Variants in RYR1 observed in about 807,000 individuals in gnomAD.
RYR1 encodes central core disease of muscle.
In RYR1, 342 loss-of-function variants were observed where a neutral mutation model predicts 583.5. The ratio of observed to expected loss-of-function variants is 0.59; its 90% confidence interval spans 0.54 to 0.64. The LOEUF (loss-of-function observed/expected upper bound fraction) is 0.64. Among genes scored for constraint, RYR1 ranks in the 30% least tolerant of loss-of-function variants. RYR1 has a pLI of 0.00. For synonymous variants in RYR1, 2,791 were observed against 2,822.5 expected (o/e 0.99, Z 0.35); for missense variants, 6,032 against 6,917.2 (o/e 0.87, Z 4.54).
chr19:38,532,403 A>G (rs1971776611), intron 76 of RYR1, 87 bp from the exon 77 acceptor site: 3 of 1,362,306 alleles, frequency 2.2e-6, no homozygotes, highest in Non-Finnish European at 3.1e-6. Context: ...GATTACAGGC[A>G]TGAGCCACCG....
At chr19:38,586,613 G>C in intron 105 of RYR1, 37 bp downstream of exon 105, 2 of 1,594,482 alleles carry the variant, frequency 1.3e-6, no homozygotes, top group South Asian at 1.1e-5. Flanking sequence ...TGGGCAGGAC[G>C]TGGAGCCCTT....
chr19:38,461,434 C>T (rs1208136563), intron 20 of RYR1, among the ~76,000 whole-genome samples: 1 of 151,964 alleles, frequency 6.6e-6, no homozygotes, highest in Non-Finnish European at 1.5e-5. Context: ...CTCAGGGAGT[C>T]CTCACCACTG....
intron 84 of RYR1, among the ~76,000 whole-genome samples, chr19:38,542,654 G>C (rs1014874739): frequency 6.6e-6 from 1 of 151,928 alleles, no homozygotes; most frequent in African/African-American, 2.4e-5. Context: ...AGGTAGCTGG[G>C]ATTACAGGCA....
intron 19 of RYR1, among the ~76,000 whole-genome samples, chr19:38,459,796 C>A (rs553043123): frequency 1.3e-5 from 2 of 152,060 alleles, no homozygotes; most frequent in Non-Finnish European, 2.9e-5. Flanking sequence ...CAGACTCTTC[C>A]AATGACACCA....
At chr19:38,530,363 C>G (rs1280295035) in intron 76 of RYR1, among the ~76,000 whole-genome samples, 1 of 151,934 alleles carries the variant, frequency 6.6e-6, no homozygotes, top group African/African-American at 2.4e-5. Context: ...ACCCCAGGCT[C>G]AAGAGATCCT....
Position 38,585,074 on chromosome 19 carries a change from C to T in RYR1, c.14778C>T (p.Ile4926=), listed in dbSNP as rs369783199. 9 of 1,613,770 alleles carry T rather than the reference C, an allele frequency of 5.6e-6. No homozygotes were observed. Among genetic ancestry groups the T allele is most frequent in the African/African-American group, 2.7e-5 (2 of 74,870 alleles). ...VFDITFFFFV[I]VILLAIIQGL... ...ACATCACCTTCTTCTTCTTCGTCATCGTCATCCTGTTGGCCATCATCCAGG... is the reference window on the plus strand; with the variant it reads ...ACATCACCTTCTTCTTCTTCGTCATTGTCATCCTGTTGGCCATCATCCAGG... Residue 4926 remains isoleucine, a synonymous_variant, in exon 102 of 106, where the codon ATC becomes ATT. Transcript: ENST00000359596.
chr19:38,544,544 T>C (rs1471724043), intron 87 of RYR1, among the ~76,000 whole-genome samples: 2 of 152,190 alleles, frequency 1.3e-5, no homozygotes, highest in African/African-American at 4.8e-5. Flanking sequence ...ATTACAATAG[T>C]TTAGTTTTCC....
At position 38,580,490 on chromosome 19, in the gene RYR1, G is replaced by A. The variant is rs1443223174; in HGVS notation, c.14632G>A (p.Asp4878Asn). 2.5e-6 allele frequency: 4 copies of A among 1,614,124 alleles called. No individual in the cohort carries two copies. Among genetic ancestry groups the A allele is most frequent in the Non-Finnish European group, 3.4e-6 (4 of 1,180,022 alleles). Reference sequence around the variant, plus strand: ...TGAGGATGAACCTGACATGAAGTGTGATGACATGATGACGGTGAGCCCCTC... The same window carrying A: ...TGAGGATGAACCTGACATGAAGTGTAATGACATGATGACGGTGAGCCCCTC... Reference protein sequence around the residue: ...EDEDEPDMKCDDMMTCYLFHM... With the variant: ...EDEDEPDMKCNDMMTCYLFHM... The change falls in exon 101 of 106, where the codon GAT becomes AAT. Residue 4878 changes from aspartate to asparagine, a missense_variant. Asp to Asn is a conservative substitution (Grantham distance 23). Around this residue, in one of 11 missense-constraint regions of RYR1, gnomAD observed 189 missense variants for 350.3 expected, o/e 0.54. Transcript: ENST00000359596.
intron 101 of RYR1, among the ~76,000 whole-genome samples, chr19:38,581,712 C>T (rs957761835): frequency 1.3e-5 from 2 of 152,146 alleles, no homozygotes; most frequent in Admixed American, 1.3e-4. Flanking sequence ...GATTCTCCTG[C>T]GTTAGCCTCC....
intron 24 of RYR1, among the ~76,000 whole-genome samples, chr19:38,466,823 T>A (rs1380584502): frequency 6.6e-6 from 1 of 152,012 alleles, no homozygotes; most frequent in Non-Finnish European, 1.5e-5. Context: ...ATCTATCACA[T>A]CGAGCAGACT....
At chr19:38,539,926 T>TA (rs1444636717) in intron 84 of RYR1, among the ~76,000 whole-genome samples, 1 of 145,968 alleles carries the variant, frequency 6.9e-6, no homozygotes, top group Non-Finnish European at 1.5e-5. Flanking sequence ...TTTAACAATT[T>TA]AAATTAACAC....
rs1972837046 is a variant in RYR1, at chr19:38,444,338, C to T, written c.537+77C>T. 8.4e-7 allele frequency: 1 copy of T among 1,189,804 alleles called. No homozygotes were observed. The highest frequency in any genetic ancestry group is 1.2e-6 in the Non-Finnish European group (1 of 811,712). 73.7% of individuals were successfully genotyped at this position (1,189,804 alleles called of 1,614,324 possible). The stretch of plus-strand genomic sequence containing the variant: ...TCCCCATCTTCTCACCATGGGTTTG[C>T]CTGGCTGATCTCCCACCCCCAAGGT... On this transcript the variant is annotated intron_variant, in intron 6 of 105. Transcript: ENST00000359596. The surrounding 1 kb of genome is among the most constrained non-coding windows in gnomAD (Gnocchi z 5.1).
chr19:38,577,961 C>G lies in RYR1; in HGVS notation c.14216C>G (p.Ala4739Gly). ...GACATCTACGGGCGGGAGCGGATTG[C>G]TGAGCTACTGGGCATGGACCTGGCC... ...HGDIYGRERIAELLGMDLATL... is the reference protein window; with the variant it reads ...HGDIYGRERIGELLGMDLATL... Residue 4739 changes from alanine (A) to glycine (G), a missense_variant, in exon 98 of 106, where the codon GCT (alanine) becomes GGT (glycine). Around this residue, in one of 11 missense-constraint regions of RYR1, gnomAD observed 188 missense variants for 215.6 expected, o/e 0.87. Transcript: ENST00000359596. The G allele has an allele frequency of 6.2e-7, 1 of 1,614,068 alleles. No individual in the cohort carries two copies. The highest frequency in any genetic ancestry group is 8.5e-7 in the Non-Finnish European group (1 of 1,180,012).
chr19:38,580,146 C>T lies in RYR1; in HGVS notation c.14511+18C>T. ...GGAAACAGGTGTGGGGAGGACCTGG[C>T]TGTGGGGCGTGGGCCAGCAGGGACC... is the stretch of plus-strand genomic sequence containing the variant. On this transcript the variant is annotated intron_variant, in intron 100 of 105. Transcript: ENST00000359596. 2 of 1,614,066 alleles carry T rather than the reference C, an allele frequency of 1.2e-6. No homozygotes were observed.
In RYR1 at chr19:38,460,500, G is replaced by A. The variant is rs372652716; in HGVS notation, c.2486G>A (p.Arg829Gln). ...CATCTTGAACCCATCAAGGAGTATC[G>A]ACGGGAGGGGCCCCGGGGGCCTCAC... ...RLHLEPIKEYRREGPRGPHLV... is the reference protein window; with the variant it reads ...RLHLEPIKEYQREGPRGPHLV... The change falls in exon 20 of 106, where the codon CGA becomes CAA. Residue 829 changes from arginine to glutamine, a missense_variant. Transcript: ENST00000359596. The A allele has an allele frequency of 1.2e-5, 20 of 1,614,060 alleles. No individual in the cohort carries two copies. The highest frequency in any genetic ancestry group is 1.3e-5 in the African/African-American group (1 of 74,920).
In RYR1 at chr19:38,525,470, C is replaced by T. The variant is rs1131691407; in HGVS notation, c.10594C>T (p.Leu3532Phe). The T allele has an allele frequency of 8.1e-6, 13 of 1,613,890 alleles. No individual in the cohort carries two copies. Among genetic ancestry groups the T allele is most frequent in the Non-Finnish European group, 1.1e-5 (13 of 1,179,972 alleles). Residue 3532 changes from leucine (L) to phenylalanine (F), a missense_variant, in exon 71 of 106, where the codon CTC becomes TTC. Coordinates refer to ENST00000359596, the MANE Select transcript of RYR1 (RefSeq NM_000540.3). ...LNMCAPTDQD[L>F]ITLAKTRYAL... The stretch of plus-strand genomic sequence containing the variant: ...TATGTGTGCGCCCACCGACCAAGAC[C>T]TCATCACGCTGGCCAAGACCCGTTA...
chr19:38,560,879 A>G (rs951115832), intron 89 of RYR1, among the ~76,000 whole-genome samples: 3 of 151,736 alleles, frequency 2.0e-5, no homozygotes, highest in Non-Finnish European at 4.4e-5. Context: ...AATTAAAATT[A>G]GCCAGGTGTA....
intron 11 of RYR1, among the ~76,000 whole-genome samples, chr19:38,449,760 G>T (rs927825536): frequency 2.0e-5 from 3 of 152,208 alleles, no homozygotes; most frequent in Middle Eastern, 3.2e-3. Context: ...AGCTTGGCTT[G>T]TTGCAGTAGC....
At position 38,527,591 on chromosome 19, in the gene RYR1, G is replaced by A. The variant is rs530304844; in HGVS notation, c.10687-56G>A. The stretch of plus-strand genomic sequence containing the variant: ...TCCCAAAAACGGAAAGGGGACATCC[G>A]GCGGACACTGTGGGAAGGGTCCCTC... On this transcript the variant is annotated intron_variant, in intron 72 of 105. Coordinates refer to ENST00000359596, the MANE Select transcript of RYR1 (RefSeq NM_000540.3). 14 of 1,608,916 alleles carry A rather than the reference G, an allele frequency of 8.7e-6. No individual in the cohort carries two copies. The East Asian group carries it at 2.7e-4, about 31-fold the overall frequency.
Sources: gnomAD v4.1 joint callset for allele counts (sites outside exome capture counted in the v4.1 genomes callset) on GRCh38, gnomAD v4.1.1 for gene constraint, gnomAD v4.1.1 regional missense constraint, Gnocchi (gnomAD v3.1) non-coding constraint, MANE v1.5 for transcripts, NCBI Gene and HGNC (gene_info 2026-07-23, HGNC 2026-07-21) for gene names.